Variants in SLC12A7 observed in about 807,000 individuals in gnomAD.
The protein encoded by SLC12A7 is solute carrier family 12 member 7.
SLC12A7 carries 100 observed loss-of-function variants against 120.6 expected under a neutral mutation model. The observed-to-expected ratio is 0.83, with a 90% CI of 0.71 to 0.98. The LOEUF is 0.98. SLC12A7 is among the 50% of genes least tolerant of loss of function. The pLI is 0.00. For missense variants in SLC12A7, 1,373 were observed against 1,548.1 expected (o/e 0.89, Z 1.90); for synonymous variants, 760 against 678.0 (o/e 1.12, Z -1.88).
At chr5:1,089,251 C>CCAT in intron 3 of SLC12A7, 123 bp from the exon 4 acceptor site, 1 of 1,050,416 alleles carries the variant, frequency 9.5e-7, no homozygotes, top group Non-Finnish European at 1.4e-6. Context: ...GGGCAGGAGT[C>CCAT]CTTCCCAGAA....
the SLC12A7 span, among the ~76,000 whole-genome samples, chr5:1,146,829 A>G: frequency 2.6e-5 from 4 of 152,054 alleles, no homozygotes; most frequent in African/African-American, 9.7e-5. The surrounding 1 kb of genome is among the most constrained non-coding windows in gnomAD (Gnocchi z 6.5). Flanking sequence ...TTTTAAATCT[A>G]CCTATGACCT....
In SLC12A7 at chr5:1,083,877, AGTT is replaced by A. The variant is rs1218507490; in HGVS notation, c.994_996del (p.Asn332del). 7 of 1,608,522 alleles carry A rather than the reference AGTT, an allele frequency of 4.4e-6. No individual in the cohort carries two copies. The highest frequency in any genetic ancestry group is 1.7e-4 in the Middle Eastern group (1 of 5,982). ...AGGCCCCAGAGCGCGGAGGTGGCTG[AGTT>A]GTTGTGGATGCCGTAGGCCTTGACG... On this transcript the variant is annotated inframe_deletion, in exon 8 of 24. Coordinates refer to ENST00000264930, the MANE Select transcript of SLC12A7 (RefSeq NM_006598.3).
chr5:1,054,198 C>G (rs925401357), intron 22 of SLC12A7, among the ~76,000 whole-genome samples: 2 of 152,236 alleles, frequency 1.3e-5, no homozygotes, highest in Admixed American at 6.5e-5. Context: ...GCACTTCCAC[C>G]GTGTGGCCGT....
At chr5:1,096,824 GGGAAGGAA>G (rs1741274669) in intron 1 of SLC12A7, among the ~76,000 whole-genome samples, 1 of 70,896 alleles carries the variant, frequency 1.4e-5, no homozygotes, top group African/African-American at 4.7e-5. Flanking sequence ...AGGGAAGGGA[GGGAAGGAA>G]GGAGGGAGGG....
At chr5:1,130,919 G>A in the SLC12A7 span, among the ~76,000 whole-genome samples, 2 of 152,294 alleles carry the variant, frequency 1.3e-5, no homozygotes, top group Middle Eastern at 3.4e-3. Context: ...GACAACATTG[G>A]AGTAGCACAG....
At position 1,089,105 on chromosome 5, in the gene SLC12A7, G is replaced by A. The variant is rs201931223; in HGVS notation, c.366C>T (p.Ile122=). The A allele has an allele frequency of 1.4e-5, 22 of 1,612,788 alleles. No individual in the cohort carries two copies. The highest frequency in any genetic ancestry group is 2.7e-5 in the African/African-American group (2 of 75,068). The part of the protein sequence containing the change: ...EAKAPRMGTF[I]GVYLPCLQNI... ...TCTGCAGGCACGGCAGGTAGACGCC[G>A]ATGAAGGTGCCCATGCGCGGAGCCT... Residue 122 remains isoleucine (I), a synonymous_variant, in exon 4 of 24, where the codon ATC becomes ATT. Transcript: ENST00000264930.
intron 1 of SLC12A7, among the ~76,000 whole-genome samples, chr5:1,103,731 C>T (rs1419023640): frequency 6.6e-6 from 1 of 152,258 alleles, no homozygotes; most frequent in Non-Finnish European, 1.5e-5. Flanking sequence ...CTGCACGACC[C>T]ACGGGGCGGG....
At chr5:1,137,718 C>T in the SLC12A7 span, among the ~76,000 whole-genome samples, 1 of 152,272 alleles carries the variant, frequency 6.6e-6, no homozygotes, top group Non-Finnish European at 1.5e-5. Context: ...CGGGGCTCCT[C>T]TTCCTGGACA....
intron 1 of SLC12A7, among the ~76,000 whole-genome samples, chr5:1,108,955 A>G (rs1381486525): frequency 6.6e-6 from 1 of 152,178 alleles, no homozygotes; most frequent in Non-Finnish European, 1.5e-5. Flanking sequence ...CACAGTGGAA[A>G]ATCTCAGAAA....
At chr5:1,067,393 G>A (rs1487238728) in intron 17 of SLC12A7, among the ~76,000 whole-genome samples, 1 of 152,232 alleles carries the variant, frequency 6.6e-6, no homozygotes, top group African/African-American at 2.4e-5. Flanking sequence ...CATGTGGGAA[G>A]AAGGCAGGAA....
chr5:1,064,359 G>C, intron 18 of SLC12A7, 107 bp from the exon 19 acceptor site: 1 of 1,338,570 alleles, frequency 7.5e-7, no homozygotes, highest in Non-Finnish European at 9.9e-7. Flanking sequence ...AGGCGAGGGG[G>C]GTCCCCACAA....
the SLC12A7 span, among the ~76,000 whole-genome samples, chr5:1,131,198 C>T: frequency 1.1e-4 from 17 of 152,278 alleles, no homozygotes; most frequent in East Asian, 2.1e-3. Context: ...CGTGGGGACA[C>T]GCTCGGACTC....
chr5:1,146,946 G>A, the SLC12A7 span, among the ~76,000 whole-genome samples: 4 of 152,118 alleles, frequency 2.6e-5, no homozygotes, highest in South Asian at 2.1e-4. This position sits in a 1 kb window ranked among gnomAD's most constrained non-coding sequence, Gnocchi z 6.5. Context: ...CCCACCTCCC[G>A]AGGGCCGTGT....
intron 20 of SLC12A7, among the ~76,000 whole-genome samples, chr5:1,063,452 G>A (rs1186049051): frequency 6.6e-6 from 1 of 152,182 alleles, no homozygotes; most frequent in Non-Finnish European, 1.5e-5. Flanking sequence ...AGATGCTGAT[G>A]CCGGCTCTAG....
the SLC12A7 span, among the ~76,000 whole-genome samples, chr5:1,146,863 C>T: frequency 7.2e-5 from 11 of 152,282 alleles, no homozygotes; most frequent in Non-Finnish European, 1.0e-4. This position sits in a 1 kb window ranked among gnomAD's most constrained non-coding sequence, Gnocchi z 6.5. Flanking sequence ...GGAGCTGTCC[C>T]GCCTTTCTGG....
the SLC12A7 span, among the ~76,000 whole-genome samples, chr5:1,153,990 C>G: frequency 2.6e-5 from 4 of 152,136 alleles, no homozygotes; most frequent in Non-Finnish European, 4.4e-5. Flanking sequence ...CCGAGAGCCA[C>G]AGCTGCCACC....
intron 1 of SLC12A7, among the ~76,000 whole-genome samples, chr5:1,109,524 G>A (rs904382915): frequency 4.4e-4 from 67 of 152,312 alleles, no homozygotes; most frequent in African/African-American, 1.4e-3. Flanking sequence ...GGGACAGGAC[G>A]CCTCCCGCAG....
intron 21 of SLC12A7, among the ~76,000 whole-genome samples, chr5:1,058,154 C>T (rs1054171173): frequency 6.6e-6 from 1 of 152,212 alleles, no homozygotes; most frequent in African/African-American, 2.4e-5. Context: ...CTGTGGGGCA[C>T]CGCTGGGGCC....
chr5:1,115,259 T>C (rs1289281552), upstream of SLC12A7, among the ~76,000 whole-genome samples: 1 of 152,220 alleles, frequency 6.6e-6, no homozygotes, highest in Non-Finnish European at 1.5e-5. Flanking sequence ...GGTTACATTC[T>C]GTGTGTAGAT....
Sources: allele counts gnomAD v4.1 joint callset (sites outside exome capture counted in the v4.1 genomes callset), GRCh38; gene constraint gnomAD v4.1.1; non-coding constraint Gnocchi (gnomAD v3.1); transcripts MANE v1.5; gene names NCBI Gene and HGNC (gene_info 2026-07-23, HGNC 2026-07-21).